The following CDH20 variants were observed in gnomAD, a reference collection of about 807,000 sequenced individuals.
CDH20 encodes the protein cadherin-20.
Under a neutral mutation model 74.2 loss-of-function variants are expected in CDH20, and 29 were observed. That is an observed-to-expected ratio of 0.39 (90% confidence interval 0.29 to 0.53). CDH20 has a LOEUF of 0.53. Ranked by LOEUF, CDH20 falls within the 20% of genes least tolerant of loss-of-function variation. The pLI, the probability that CDH20 is intolerant of heterozygous loss-of-function variation, is 0.69. For missense variants in CDH20, 988 were observed against 1,048.3 expected, an observed-to-expected ratio of 0.94 and a Z score of 0.79; for synonymous variants, 469 against 405.4, an observed-to-expected ratio of 1.16 and a Z score of -1.88.
chr18:61,352,692 C>G (rs1442928372), intron 1 of CDH20, among the ~76,000 whole-genome samples: 1 of 152,178 alleles, frequency 6.6e-6, no homozygotes, highest in Non-Finnish European at 1.5e-5. Flanking sequence ...CCACAATATT[C>G]TTACTTGACA....
At chr18:61,523,108 T>C (rs964755949) in intron 6 of CDH20, among the ~76,000 whole-genome samples, 7 of 151,700 alleles carry the variant, frequency 4.6e-5, no homozygotes, top group Non-Finnish European at 8.8e-5. Flanking sequence ...AAAGAAACTA[T>C]CATCAAATTC....
At chr18:61,418,522 C>G (rs190065424) in intron 1 of CDH20, among the ~76,000 whole-genome samples, 65 of 143,904 alleles carry the variant, frequency 4.5e-4, no homozygotes, top group African/African-American at 1.7e-3. Context: ...CCACTGCACT[C>G]CAGCCTGGGC....
intron 1 of CDH20, among the ~76,000 whole-genome samples, chr18:61,384,005 C>T (rs1911518487): frequency 6.6e-6 from 1 of 152,156 alleles, no homozygotes; most frequent in East Asian, 1.9e-4. Context: ...GTGTCACAGA[C>T]ACCTTTCTTC....
intron 2 of CDH20, among the ~76,000 whole-genome samples, chr18:61,498,063 G>T (rs921640617): frequency 1.3e-5 from 2 of 152,160 alleles, no homozygotes; most frequent in Non-Finnish European, 2.9e-5. Context: ...ATAGGCCTGA[G>T]ATTTTAAAAA....
intron 1 of CDH20, among the ~76,000 whole-genome samples, chr18:61,335,137 G>GC (rs1317034185): frequency 6.6e-6 from 1 of 152,138 alleles, no homozygotes; most frequent in African/African-American, 2.4e-5. Context: ...TTCCTCAGCC[G>GC]CCTCTGGCTG....
At chr18:61,479,363 A>G (rs1016370860) in intron 1 of CDH20, among the ~76,000 whole-genome samples, 117 of 152,290 alleles carry the variant, frequency 7.7e-4, no homozygotes, top group African/African-American at 2.7e-3. Context: ...ATATGCTTAT[A>G]TATATTTATT....
At chr18:61,549,376 C>G (rs1200085130) in intron 10 of CDH20, among the ~76,000 whole-genome samples, 2 of 152,190 alleles carry the variant, frequency 1.3e-5, no homozygotes, top group Non-Finnish European at 2.9e-5. Flanking sequence ...GGAGAAATAA[C>G]AAGGTGTGTC....
intron 1 of CDH20, among the ~76,000 whole-genome samples, chr18:61,450,325 G>T (rs1217537410): frequency 2.7e-5 from 4 of 149,418 alleles, no homozygotes; most frequent in Non-Finnish European, 5.9e-5. Context: ...TCTCAGAGTA[G>T]GTAATTATCC....
chr18:61,498,777 C>T (rs956347474), intron 2 of CDH20, among the ~76,000 whole-genome samples: 12 of 152,166 alleles, frequency 7.9e-5, no homozygotes, highest in Admixed American at 2.0e-4. Flanking sequence ...CCAAAACTTA[C>T]GGCAATTTCT....
intron 7 of CDH20, among the ~76,000 whole-genome samples, chr18:61,533,265 C>G (rs1037004487): frequency 1.3e-5 from 2 of 152,102 alleles, no homozygotes; most frequent in African/African-American, 4.8e-5. Flanking sequence ...TTTGGTCATG[C>G]CACTGCACCA....
At chr18:61,475,157 G>T (rs1200878278) in intron 1 of CDH20, among the ~76,000 whole-genome samples, 2 of 152,188 alleles carry the variant, frequency 1.3e-5, no homozygotes, top group Non-Finnish European at 2.9e-5. Flanking sequence ...GCTGCTGAAG[G>T]GATGGAAGTT....
chr18:61,399,504 T>A (rs2144222482), intron 1 of CDH20, among the ~76,000 whole-genome samples: 2 of 152,274 alleles, frequency 1.3e-5, no homozygotes, highest in Middle Eastern at 6.8e-3. Context: ...CGAAATCCCA[T>A]CATGTTTTGT....
At chr18:61,381,337 T>A (rs1381486002) in intron 1 of CDH20, among the ~76,000 whole-genome samples, 1 of 152,222 alleles carries the variant, frequency 6.6e-6, no homozygotes, top group Non-Finnish European at 1.5e-5. Flanking sequence ...GGCATTTTAC[T>A]TGGGTACTCA....
At chr18:61,485,941 C>T (rs574517095) in intron 1 of CDH20, among the ~76,000 whole-genome samples, 36 of 152,056 alleles carry the variant, frequency 2.4e-4, no homozygotes, top group Non-Finnish European at 4.9e-4. Flanking sequence ...GGTGTGGTGG[C>T]GGGCACCTGC....
intron 1 of CDH20, among the ~76,000 whole-genome samples, chr18:61,385,296 G>A (rs1395557109): frequency 1.3e-5 from 2 of 151,752 alleles, no homozygotes; most frequent in African/African-American, 4.8e-5. Flanking sequence ...AACGCAATAA[G>A]ACAGAACAAA....
intron 5 of CDH20, among the ~76,000 whole-genome samples, chr18:61,506,825 G>A (rs1471524941): frequency 2.0e-5 from 3 of 152,178 alleles, no homozygotes. Flanking sequence ...CTGAGGGGCA[G>A]CACATGGAGC....
At chr18:61,534,138 C>T (rs2144382940) in intron 7 of CDH20, among the ~76,000 whole-genome samples, 2 of 152,280 alleles carry the variant, frequency 1.3e-5, no homozygotes, top group South Asian at 4.1e-4. Context: ...TGAAAAAATG[C>T]TCAACATCCC....
chr18:61,545,232 G>A (rs1913200855), intron 10 of CDH20, 88 bp downstream of exon 10: 1 of 835,350 alleles, frequency 1.2e-6, no homozygotes, highest in Admixed American at 1.7e-5. Flanking sequence ...CAGTGTCAAA[G>A]GCTACCTGTT....
chr18:61,447,343 G>C (rs554760985), intron 1 of CDH20, among the ~76,000 whole-genome samples: 2 of 152,342 alleles, frequency 1.3e-5, no homozygotes, highest in Non-Finnish European at 2.9e-5. Flanking sequence ...AGACAGGATA[G>C]CTAAAGCCAC....
Sources: allele counts gnomAD v4.1 joint callset (sites outside exome capture counted in the v4.1 genomes callset), GRCh38; gene constraint gnomAD v4.1.1; transcripts MANE v1.5; gene names NCBI Gene and HGNC (gene_info 2026-07-23, HGNC 2026-07-21).